Variants in DLGAP2 observed in about 807,000 individuals in gnomAD.
The protein encoded by DLGAP2 is DLG associated protein 2, also known as disks large-associated protein 2.
In DLGAP2, 26 loss-of-function variants were observed where a neutral mutation model predicts 100.3. The observed-to-expected ratio is 0.26, with a 90% CI of 0.19 to 0.36. The LOEUF (loss-of-function observed/expected upper bound fraction) is 0.36. Among genes scored for constraint, DLGAP2 ranks in the 10% least tolerant of loss-of-function variants. The pLI, the probability that DLGAP2 is intolerant of heterozygous loss-of-function variation, is 1.00. For synonymous variants in DLGAP2, 886 were observed against 630.1 expected (o/e 1.41, Z -6.08); for missense variants, 1,858 against 1,453.2 (o/e 1.28, Z -4.53).
chr8:1,276,651 G>A (rs965091441), intron 3 of DLGAP2, among the ~76,000 whole-genome samples: 4 of 150,716 alleles, frequency 2.7e-5, no homozygotes, highest in African/African-American at 4.8e-5. Flanking sequence ...CCCAGCACAC[G>A]TCCCCAGACT....
chr8:1,455,660 G>T (rs1281242572), intron 3 of DLGAP2, among the ~76,000 whole-genome samples: 1 of 152,170 alleles, frequency 6.6e-6, no homozygotes, highest in Non-Finnish European at 1.5e-5. Context: ...ACTGCCAGGG[G>T]CACGCCCCCC....
At chr8:1,360,000 G>C (rs73670786) in intron 3 of DLGAP2, among the ~76,000 whole-genome samples, 2 of 152,298 alleles carry the variant, frequency 1.3e-5, no homozygotes, top group African/African-American at 4.8e-5. Context: ...CATCGCCGGT[G>C]TTTCAGCAAA....
chr8:1,466,533 GTGTGTGTGTGTA>G (rs1156909631), intron 3 of DLGAP2, among the ~76,000 whole-genome samples: 1 of 149,300 alleles, frequency 6.7e-6, no homozygotes, highest in Non-Finnish European at 1.5e-5. Context: ...TTGTGTGTGT[GTGTGTGTGTGTA>G]TGTGTGTGTG....
At chr8:1,430,012 A>ATATATGTATATATATATATATATATATG (rs1797373257) in intron 3 of DLGAP2, among the ~76,000 whole-genome samples, 1 of 69,486 alleles carries the variant, frequency 1.4e-5, no homozygotes, top group African/African-American at 8.0e-5. Flanking sequence ...ATATACATAT[A>ATATATGTATATATATATATATATATATG]TATATATATA....
intron 8 of DLGAP2, among the ~76,000 whole-genome samples, chr8:1,662,316 A>G (rs1482717427): frequency 1.3e-5 from 2 of 152,202 alleles, no homozygotes; most frequent in Non-Finnish European, 2.9e-5. Flanking sequence ...TGGGTCATGG[A>G]GTGTCAGGGT....
intron 3 of DLGAP2, among the ~76,000 whole-genome samples, chr8:1,487,660 G>A (rs1218866467): frequency 6.6e-6 from 1 of 152,192 alleles, no homozygotes; most frequent in Admixed American, 6.5e-5. Context: ...ATTTCATGGT[G>A]TAGGAATCGT....
chr8:1,181,480 T>C (rs7818243), intron 2 of DLGAP2, among the ~76,000 whole-genome samples: 51,474 of 151,568 alleles, frequency 0.34, 9,191 homozygotes, highest in African/African-American at 0.46. Flanking sequence ...CACCTCTAAG[T>C]GGAGCTGAAT....
intron 2 of DLGAP2, among the ~76,000 whole-genome samples, chr8:979,981 G>A (rs1393975036): frequency 1.3e-5 from 2 of 152,196 alleles, no homozygotes; most frequent in Non-Finnish European, 2.9e-5. Flanking sequence ...AGCTGCTAAG[G>A]GGAGATGTCT....
chr8:949,697 C>A (rs1485549300), intron 2 of DLGAP2, among the ~76,000 whole-genome samples: 1 of 152,104 alleles, frequency 6.6e-6, no homozygotes, highest in Non-Finnish European at 1.5e-5. Flanking sequence ...TTGCAGTGTC[C>A]CCGGTTGTCC....
At chr8:1,455,404 G>T (rs740247) in intron 3 of DLGAP2, among the ~76,000 whole-genome samples, 2 of 152,090 alleles carry the variant, frequency 1.3e-5, no homozygotes, top group African/African-American at 4.8e-5. Context: ...GGGTCCCAGG[G>T]GGACCCTGGT....
At chr8:1,006,930 C>G (rs1349534297) in intron 2 of DLGAP2, among the ~76,000 whole-genome samples, 1 of 151,036 alleles carries the variant, frequency 6.6e-6, no homozygotes, top group Non-Finnish European at 1.5e-5. Context: ...CGTCTCAAGT[C>G]TCGGGATGTG....
At chr8:1,663,984 C>T (rs73672912) in intron 8 of DLGAP2, among the ~76,000 whole-genome samples, 15,018 of 152,150 alleles carry the variant, frequency 0.099, 871 homozygotes, top group Middle Eastern at 0.21. Context: ...GCCTGCAGAC[C>T]GCTGGGGAAA....
chr8:968,127 A>G (rs1799925884), intron 2 of DLGAP2, among the ~76,000 whole-genome samples: 1 of 151,588 alleles, frequency 6.6e-6, no homozygotes, highest in Non-Finnish European at 1.5e-5. Context: ...TAATTTGGTG[A>G]CTTCAGGCAG....
At chr8:1,191,213 C>G (rs1394984478) in intron 2 of DLGAP2, among the ~76,000 whole-genome samples, 1 of 144,296 alleles carries the variant, frequency 6.9e-6, no homozygotes, top group African/African-American at 2.6e-5. Flanking sequence ...ACTCTGTCAC[C>G]CAGGCTGGAG....
intron 2 of DLGAP2, among the ~76,000 whole-genome samples, chr8:1,192,707 A>C (rs533509178): frequency 6.7e-6 from 1 of 149,020 alleles, no homozygotes; most frequent in East Asian, 2.0e-4. Context: ...GTTTTAGGGT[A>C]CGTGTGCACA....
intron 4 of DLGAP2, among the ~76,000 whole-genome samples, chr8:1,520,293 G>C (rs1225343971): frequency 4.6e-5 from 7 of 152,184 alleles, no homozygotes; most frequent in Admixed American, 4.6e-4. Flanking sequence ...GGCACACGGA[G>C]GGGAGCGATG....
chr8:1,595,639 AGTCCC>A (rs1403655405), intron 6 of DLGAP2, among the ~76,000 whole-genome samples: 1 of 145,088 alleles, frequency 6.9e-6, no homozygotes, highest in Non-Finnish European at 1.5e-5. Flanking sequence ...TGCAGTCCGC[AGTCCC>A]GCCTGGGCGA....
intron 2 of DLGAP2, among the ~76,000 whole-genome samples, chr8:1,230,372 C>T (rs1374035815): frequency 6.6e-6 from 1 of 152,100 alleles, no homozygotes; most frequent in African/African-American, 2.4e-5. Flanking sequence ...ATGGCACAAG[C>T]AACCAAAAAC....
intron 2 of DLGAP2, among the ~76,000 whole-genome samples, chr8:921,671 C>T (rs968062596): frequency 2.0e-5 from 3 of 152,240 alleles, no homozygotes; most frequent in Non-Finnish European, 4.4e-5. Context: ...TGTTCTGTAC[C>T]TGTCACGGCT....
Sources: gnomAD v4.1 joint callset for allele counts (sites outside exome capture counted in the v4.1 genomes callset) on GRCh38, gnomAD v4.1.1 for gene constraint, MANE v1.5 for transcripts, NCBI Gene and HGNC (gene_info 2026-07-23, HGNC 2026-07-21) for gene names.